MVB12B: variants seen among roughly 807,000 people sequenced by gnomAD.
The protein encoded by MVB12B is multivesicular body subunit 12B.
In MVB12B, 16 loss-of-function variants were observed where a neutral mutation model predicts 41.6. The ratio of observed to expected loss-of-function variants is 0.38; its 90% CI spans 0.26 to 0.58. The LOEUF (loss-of-function observed/expected upper bound fraction) is 0.58. Ranked by LOEUF, MVB12B falls within the 20% of genes least tolerant of loss-of-function variation. The pLI, the probability that MVB12B is intolerant of heterozygous loss-of-function variation, is 0.62. For missense variants in MVB12B, 274 were observed against 380.2 expected (o/e 0.72, Z 2.32); for synonymous variants, 133 against 139.7 (o/e 0.95, Z 0.34).
At chr9:126,488,104 G>T (rs1253121732) in intron 9 of MVB12B, among the ~76,000 whole-genome samples, 2 of 152,162 alleles carry the variant, frequency 1.3e-5, no homozygotes, top group Admixed American at 6.5e-5. Flanking sequence ...GGCATTGCTC[G>T]TGGGAGTTGG....
chr9:126,442,649 T>C (rs897254486), intron 7 of MVB12B, among the ~76,000 whole-genome samples: 1 of 152,166 alleles, frequency 6.6e-6, no homozygotes, highest in Admixed American at 6.5e-5. Flanking sequence ...TCCTTGTGTC[T>C]TTGCACTCTG....
intron 9 of MVB12B, among the ~76,000 whole-genome samples, chr9:126,495,903 TTA>T (rs1421245013): frequency 2.6e-4 from 40 of 152,260 alleles, no homozygotes; most frequent in South Asian, 1.7e-3. Context: ...ATCACTAGAC[TTA>T]GACTCATTTT....
intron 3 of MVB12B, 121 bp downstream of exon 3, chr9:126,381,292 GT>G: frequency 1.4e-6 from 1 of 720,474 alleles, no homozygotes; most frequent in Non-Finnish European, 2.4e-6. Context: ...TTTATCTGTG[GT>G]TTTAGTGAAC....
chr9:126,330,276 G>A (rs1241193255), intron 1 of MVB12B, among the ~76,000 whole-genome samples: 1 of 149,162 alleles, frequency 6.7e-6, no homozygotes, highest in Non-Finnish European at 1.5e-5. Context: ...TGTGGCAGGA[G>A]TCAACATGAG....
chr9:126,378,619 C>T lies in MVB12B; in HGVS notation c.205-2445C>T, dbSNP rs192288654. On this transcript the variant is annotated intron_variant, in intron 2 of 9. Coordinates refer to ENST00000361171, the MANE Select transcript of MVB12B (RefSeq NM_033446.3). ...AGTCTCTCTCTCTCTCTTTCTCTCT[C>T]TCTCTTCTCTGTCTCTCTCTCTCTC... Among the ~76,000 whole-genome samples, 360 of 152,056 alleles carry T rather than the reference C, an allele frequency of 2.4e-3. 2 individuals carry two copies. Among genetic ancestry groups the T allele is most frequent in the African/African-American group, 8.5e-3 (354 of 41,430 alleles).
chr9:126,469,296 C>G (rs1833266384), intron 7 of MVB12B, among the ~76,000 whole-genome samples: 1 of 152,254 alleles, frequency 6.6e-6, no homozygotes, highest in South Asian at 2.1e-4. Context: ...AAGGCTTGCT[C>G]TGAGAAGGGT....
intron 6 of MVB12B, among the ~76,000 whole-genome samples, chr9:126,404,199 C>T (rs943416055): frequency 4.6e-5 from 7 of 152,142 alleles, no homozygotes; most frequent in Non-Finnish European, 1.5e-5. Flanking sequence ...AAGTGATCCG[C>T]CTGCCTCGAC....
chr9:126,376,729 C>G lies in MVB12B; in HGVS notation c.205-4335C>G. On this transcript the variant is annotated intron_variant, in intron 2 of 9. Transcript: ENST00000361171. The surrounding 1 kb of genome is among the most constrained non-coding windows in gnomAD (Gnocchi z 4.1). Reference sequence around the variant, plus strand: ...CCACTCTGAAGTTGCACCTCCTCCCCCACCTCCTCCTGACCTCCAGCCTCC... The same window carrying G: ...CCACTCTGAAGTTGCACCTCCTCCCGCACCTCCTCCTGACCTCCAGCCTCC... The G allele has an allele frequency of 1.6e-6, 2 of 1,244,630 alleles. No homozygotes were observed. Among genetic ancestry groups the G allele is most frequent in the Non-Finnish European group, 2.1e-6 (2 of 963,152 alleles). The allele number at this position is 1,244,630 out of a possible 1,614,324, so 77.1% of individuals were successfully genotyped here. A position where few individuals can be genotyped will look rare whatever the true frequency, so the allele number is the denominator to read the frequency against.
At chr9:126,337,707 G>C (rs1197270272) in intron 1 of MVB12B, among the ~76,000 whole-genome samples, 2 of 152,190 alleles carry the variant, frequency 1.3e-5, no homozygotes, top group African/African-American at 2.4e-5. Flanking sequence ...CTGTCCAAAT[G>C]CAACAGACCT....
chr9:126,373,607 T>C (rs1830400322), intron 2 of MVB12B, among the ~76,000 whole-genome samples: 1 of 152,198 alleles, frequency 6.6e-6, no homozygotes, highest in South Asian at 2.1e-4. Flanking sequence ...ATGAAATTGG[T>C]GGTTAGCTTG....
intron 1 of MVB12B, among the ~76,000 whole-genome samples, chr9:126,328,248 G>C (rs748075483): frequency 2.0e-5 from 3 of 152,120 alleles, no homozygotes; most frequent in Non-Finnish European, 2.9e-5. Context: ...GAGAGATGAG[G>C]CTTCTGCTTG....
chr9:126,452,229 AC>A (rs1564336354), intron 7 of MVB12B, among the ~76,000 whole-genome samples: 1 of 152,156 alleles, frequency 6.6e-6, no homozygotes, highest in African/African-American at 2.4e-5. Context: ...TAAACAATAG[AC>A]CCAGCCTAAT....
At chr9:126,501,987 G>A (rs1013094129) in intron 9 of MVB12B, among the ~76,000 whole-genome samples, 11 of 152,170 alleles carry the variant, frequency 7.2e-5, no homozygotes, top group Admixed American at 1.3e-4. Context: ...TGGCCTGCCC[G>A]TGTACAGGTG....
At chr9:126,399,405 C>G (rs965430019) in intron 6 of MVB12B, among the ~76,000 whole-genome samples, 10 of 152,206 alleles carry the variant, frequency 6.6e-5, no homozygotes, top group African/African-American at 2.2e-4. Flanking sequence ...AGTCCCATCT[C>G]TGTGGCCCTC....
Position 126,459,002 on chromosome 9 carries a change from G to A in MVB12B, c.758-22367G>A, listed in dbSNP as rs1833038637. 6.6e-6 allele frequency among the ~76,000 whole-genome samples: 1 copy of A among 152,174 alleles called. No homozygotes were observed. Among genetic ancestry groups the A allele is most frequent in the African/African-American group, 2.4e-5 (1 of 41,438 alleles). On this transcript the variant is annotated intron_variant, in intron 7 of 9. Transcript: ENST00000361171. The surrounding 1 kb of genome is among the most constrained non-coding windows in gnomAD (Gnocchi z 4.3). ...TGAAAGTCAATACCTTAAAAACCCTGAGTGCTGAGAAAACTCACTAAGCCT... is the reference window on the plus strand; with the variant it reads ...TGAAAGTCAATACCTTAAAAACCCTAAGTGCTGAGAAAACTCACTAAGCCT...
chr9:126,336,754 GCACACA>G (rs113110128), intron 1 of MVB12B, among the ~76,000 whole-genome samples: 8 of 150,402 alleles, frequency 5.3e-5, no homozygotes, highest in South Asian at 2.1e-4. Flanking sequence ...GTGTGTGCAC[GCACACA>G]CACACACACA....
At chr9:126,361,752 C>G (rs1434566186) in intron 2 of MVB12B, among the ~76,000 whole-genome samples, 3 of 151,808 alleles carry the variant, frequency 2.0e-5, no homozygotes, top group African/African-American at 7.3e-5. Context: ...GATGTTGCTA[C>G]AAATACAAAA....
Position 126,503,344 on chromosome 9 carries a change from C to T in MVB12B, c.*81C>T, listed in dbSNP as rs903029105. 1.6e-5 allele frequency: 19 copies of T among 1,182,568 alleles called. No homozygotes were observed. Among genetic ancestry groups the T allele is most frequent in the South Asian group, 4.2e-5 (3 of 71,690 alleles). 73.3% of individuals were successfully genotyped at this position (1,182,568 alleles called of 1,614,324 possible). On this transcript the variant is annotated 3_prime_UTR_variant, in exon 10 of 10. Transcript: ENST00000361171. Reference sequence around the variant, plus strand: ...GGCTGCTGCCCCCGCCTCCTCCTGCCGCCTCCGCCAGCCCTCCCTCCCACA... The same window carrying T: ...GGCTGCTGCCCCCGCCTCCTCCTGCTGCCTCCGCCAGCCCTCCCTCCCACA...
At chr9:126,394,031 C>A (rs1831034072) in intron 5 of MVB12B, among the ~76,000 whole-genome samples, 1 of 152,224 alleles carries the variant, frequency 6.6e-6, no homozygotes, top group South Asian at 2.1e-4. Flanking sequence ...AGTTTCACCT[C>A]GGTGGGTGTT....
Sources: allele counts gnomAD v4.1 joint callset (sites outside exome capture counted in the v4.1 genomes callset), GRCh38; gene constraint gnomAD v4.1.1; non-coding constraint Gnocchi (gnomAD v3.1); transcripts MANE v1.5; gene names NCBI Gene and HGNC (gene_info 2026-07-23, HGNC 2026-07-21).